PDE11A: variants seen among roughly 807,000 people sequenced by gnomAD.
The protein encoded by PDE11A is phosphodiesterase 11A.
PDE11A carries 100 observed loss-of-function variants against 100.5 expected under a neutral mutation model. The observed-to-expected ratio is 1.00, with a 90% confidence interval of 0.85 to 1.18. The LOEUF (loss-of-function observed/expected upper bound fraction) is 1.18, where lower values mean the gene tolerates loss of function less well. Ranked by LOEUF, PDE11A falls within the 50% of genes most tolerant of loss-of-function variation. The probability of loss-of-function intolerance (pLI) is 0.00; values close to 1 mark genes in which losing one functional copy is unlikely to be tolerated. For missense variants in PDE11A, 1,141 were observed against 1,152.6 expected (o/e 0.99, Z 0.15); for synonymous variants, 381 against 420.8 (o/e 0.91, Z 1.16).
intron 1 of PDE11A, among the ~76,000 whole-genome samples, chr2:178,066,669 G>A (rs1028445552): frequency 6.6e-6 from 1 of 152,160 alleles, no homozygotes; most frequent in South Asian, 2.1e-4. Flanking sequence ...TCTAGGGAGG[G>A]TACGGAGAAG....
At chr2:177,784,509 C>A (rs999818498) in intron 9 of PDE11A, among the ~76,000 whole-genome samples, 13 of 152,128 alleles carry the variant, frequency 8.5e-5, no homozygotes, top group African/African-American at 3.1e-4. Context: ...AGCACATAAT[C>A]AAAAAATAAC....
At chr2:177,636,586 T>TAG (rs2080041926) in intron 19 of PDE11A, among the ~76,000 whole-genome samples, 2 of 151,638 alleles carry the variant, frequency 1.3e-5, no homozygotes, top group South Asian at 4.2e-4. Context: ...TTATCCTCTT[T>TAG]ATATATATAT....
intron 9 of PDE11A, among the ~76,000 whole-genome samples, chr2:177,770,370 T>C (rs1318176549): frequency 6.6e-6 from 1 of 152,234 alleles, no homozygotes; most frequent in Admixed American, 6.5e-5. Flanking sequence ...TGATGGCATG[T>C]CATTTGAGTG....
intron 9 of PDE11A, among the ~76,000 whole-genome samples, chr2:177,814,100 GCT>G (rs1308205989): frequency 2.0e-5 from 3 of 151,888 alleles, no homozygotes; most frequent in Non-Finnish European, 4.4e-5. Context: ...TTCTCTCTCA[GCT>G]CTGTTATTAC....
At chr2:177,695,382 ATAAATATGTCC>A (rs2081096537) in intron 15 of PDE11A, among the ~76,000 whole-genome samples, 1 of 152,190 alleles carries the variant, frequency 6.6e-6, no homozygotes, top group Admixed American at 6.5e-5. Context: ...AATTTTTAGT[ATAAATATGTCC>A]CAAATGTTTC....
At position 177,875,237 on chromosome 2, in the gene PDE11A, A is replaced by G. The variant is rs139540157; in HGVS notation, c.1367+622T>C. On this transcript the variant is annotated intron_variant, in intron 5 of 19. Transcript: ENST00000286063. ...AGACTCCACGTTAAAAAACAAGACA[A>G]ACAAACAAACAAAAATTTACAAGGT... Among the ~76,000 whole-genome samples the G allele has an allele frequency of 1.8e-4, 28 of 152,118 alleles. No homozygotes were observed. In the East Asian group the frequency reaches 4.2e-3, roughly 23 times the overall value.
At position 177,779,748 on chromosome 2, in the gene PDE11A, C is replaced by T. The variant is rs532399069; in HGVS notation, c.1738-10375G>A. 7.2e-5 allele frequency among the ~76,000 whole-genome samples: 11 copies of T among 152,276 alleles called. No individual in the cohort carries two copies. The South Asian group carries it at 2.3e-3, about 32-fold the overall frequency. On this transcript the variant is annotated intron_variant, in intron 9 of 19. Coordinates refer to ENST00000286063, the MANE Select transcript of PDE11A (RefSeq NM_016953.4). ...TACTTCCTCCACTGAAGTCTTAAAC[C>T]CTTCAAATTCAGACATGAGGGTTAG...
intron 5 of PDE11A, among the ~76,000 whole-genome samples, chr2:177,841,497 C>T (rs1018157957): frequency 6.6e-6 from 1 of 152,160 alleles, no homozygotes; most frequent in African/African-American, 2.4e-5. Flanking sequence ...TAAGAAAACA[C>T]TAAATGTGCA....
chr2:177,926,441 A>G (rs904608693), intron 2 of PDE11A, among the ~76,000 whole-genome samples: 2 of 152,230 alleles, frequency 1.3e-5, no homozygotes, highest in African/African-American at 4.8e-5. Context: ...GCACTGGTTC[A>G]CTGATACATA....
intron 5 of PDE11A, among the ~76,000 whole-genome samples, chr2:177,852,303 A>C (rs2083727607): frequency 6.6e-6 from 1 of 152,182 alleles, no homozygotes; most frequent in Admixed American, 6.5e-5. Context: ...TTACCCAGTG[A>C]GGGGTAGGAG....
At chr2:177,659,300 G>GA (rs1487143368) in intron 19 of PDE11A, among the ~76,000 whole-genome samples, 3 of 145,460 alleles carry the variant, frequency 2.1e-5, no homozygotes, top group Admixed American at 6.9e-5. Context: ...TGAAGGCAGA[G>GA]AAAAAAATCA....
intron 2 of PDE11A, among the ~76,000 whole-genome samples, chr2:177,964,224 A>C (rs541935034): frequency 1.3e-5 from 2 of 152,060 alleles, no homozygotes; most frequent in South Asian, 4.2e-4. Flanking sequence ...ATCTCAGCTC[A>C]GTGCAACCTC....
chr2:177,994,024 C>G (rs554157254), intron 2 of PDE11A, among the ~76,000 whole-genome samples: 2 of 151,774 alleles, frequency 1.3e-5, no homozygotes, highest in Non-Finnish European at 2.9e-5. Context: ...CAACCTCCCC[C>G]TCCCCGAGCG....
intron 9 of PDE11A, among the ~76,000 whole-genome samples, chr2:177,786,638 G>GA (rs1274821436): frequency 1.3e-5 from 2 of 151,964 alleles, no homozygotes; most frequent in Admixed American, 6.5e-5. Flanking sequence ...TAAAAACTTT[G>GA]AAAAAAATTT....
chr2:177,659,245 G>C (rs1237634633), intron 19 of PDE11A, among the ~76,000 whole-genome samples: 1 of 111,438 alleles, frequency 9.0e-6, no homozygotes, highest in Non-Finnish European at 1.7e-5. Flanking sequence ...TGGGCAACAA[G>C]AGCAAAATTC....
intron 10 of PDE11A, among the ~76,000 whole-genome samples, chr2:177,747,369 G>A (rs556175153): frequency 6.6e-6 from 1 of 152,252 alleles, no homozygotes; most frequent in African/African-American, 2.4e-5. Flanking sequence ...CTCTACTTTG[G>A]ACACATTTGC....
chr2:177,932,375 T>A (rs1465794098), intron 2 of PDE11A, among the ~76,000 whole-genome samples: 1 of 152,100 alleles, frequency 6.6e-6, no homozygotes, highest in Non-Finnish European at 1.5e-5. Flanking sequence ...TACAGGACAA[T>A]ATCTTTGATG....
chr2:177,853,298 G>A (rs1417877185), intron 5 of PDE11A, among the ~76,000 whole-genome samples: 1 of 151,940 alleles, frequency 6.6e-6, no homozygotes, highest in Non-Finnish European at 1.5e-5. Flanking sequence ...AATGTTGAAG[G>A]CTGCATAGCG....
chr2:177,959,632 G>T (rs1409098040), intron 2 of PDE11A, among the ~76,000 whole-genome samples: 1 of 152,160 alleles, frequency 6.6e-6, no homozygotes, highest in Admixed American at 6.5e-5. Context: ...GTGAGAAAAA[G>T]ATTTCAGGGT....
Sources: allele counts gnomAD v4.1 joint callset (sites outside exome capture counted in the v4.1 genomes callset), GRCh38; gene constraint gnomAD v4.1.1; transcripts MANE v1.5; gene names NCBI Gene and HGNC (gene_info 2026-07-23, HGNC 2026-07-21).